The following POU2F3 variants were observed in gnomAD, a reference collection of about 807,000 sequenced individuals.
The protein encoded by POU2F3 is POU class 2 homeobox 3, also known as POU domain, class 2, transcription factor 3.
POU2F3 carries 23 observed loss-of-function variants against 59.2 expected under a neutral mutation model. The observed-to-expected ratio is 0.39, with a 90% CI of 0.28 to 0.55. The LOEUF (loss-of-function observed/expected upper bound fraction) is 0.55, where lower values mean the gene tolerates loss of function less well. Among genes scored for constraint, POU2F3 ranks in the 20% least tolerant of loss-of-function variants. POU2F3 has a pLI of 0.66. For synonymous variants in POU2F3, 190 were observed against 214.6 expected, an observed-to-expected ratio of 0.89 and a Z score of 1.00; for missense variants, 473 against 544.5, an observed-to-expected ratio of 0.87 and a Z score of 1.31.
chr11:120,240,477 C>T, intron 1 of POU2F3, 106 bp downstream of exon 1: 1 of 1,256,676 alleles, frequency 8.0e-7, no homozygotes, highest in Non-Finnish European at 1.0e-6. Context: ...TTCCCAGCGG[C>T]CAGGAGAGGG....
At chr11:120,236,639 TCTC>T (rs1938504782), upstream of POU2F3, 7 of 1,464,304 alleles carry the variant, frequency 4.8e-6, no homozygotes, top group Non-Finnish European at 6.5e-6. Context: ...TTCCTCTCTA[TCTC>T]ACTCCAGCCC....
Position 120,305,701 on chromosome 11 carries a change from A to G in POU2F3, c.685A>G (p.Ile229Val). The G allele has an allele frequency of 1.9e-6, 3 of 1,614,022 alleles. No homozygotes were observed. Among genetic ancestry groups the G allele is most frequent in the Middle Eastern group, 1.7e-4 (1 of 5,926 alleles). Residue 229 changes from isoleucine to valine, a missense_variant, in exon 8 of 13, where the codon ATC (isoleucine) becomes GTC (valine). Transcript: ENST00000543440. ...TGGCAACGACTTCAGCCAGACCACC[A>G]TCTCACGATTTGAGGCCCTCAACCT... ...LYGNDFSQTTISRFEALNLSF... is the reference protein window; with the variant it reads ...LYGNDFSQTTVSRFEALNLSF...
chr11:120,312,407 GCC>G (rs1941673755), intron 10 of POU2F3, among the ~76,000 whole-genome samples: 1 of 152,144 alleles, frequency 6.6e-6, no homozygotes, highest in South Asian at 2.1e-4. Flanking sequence ...ACAGGCATGA[GCC>G]ACCGCACCCA....
chr11:120,305,144 G>A lies in POU2F3; in HGVS notation c.559G>A (p.Asp187Asn). 1 of 1,613,820 alleles carries A rather than the reference G, an allele frequency of 6.2e-7. No homozygotes were observed. The highest frequency in any genetic ancestry group is 2.2e-5 in the East Asian group (1 of 44,838). ...CTCTGGAGGGGCCGATGAGCCCAGT[G>A]ACCTCGAGGAGCTGGAGAAGTTTGC... ...PSSGGADEPSDLEELEKFAKT... is the reference protein window; with the variant it reads ...PSSGGADEPSNLEELEKFAKT... The change falls in exon 7 of 13, where the codon GAC becomes AAC. Residue 187 changes from aspartate (D) to asparagine (N), a missense_variant. Physicochemically the swap from Asp to Asn is conservative, Grantham distance 23. Transcript: ENST00000543440.
chr11:120,306,043 C>G (rs146318568), intron 8 of POU2F3, among the ~76,000 whole-genome samples: 5 of 152,188 alleles, frequency 3.3e-5, no homozygotes, highest in African/African-American at 1.2e-4. Flanking sequence ...ATTCCTACCC[C>G]ATCCCACCCA....
In POU2F3 at chr11:120,318,852, G is replaced by A. The variant is rs1181495087; in HGVS notation, c.*460G>A. On this transcript the variant is annotated 3_prime_UTR_variant, in exon 13 of 13. Transcript: ENST00000543440. ...AACCCCTGAACTGATCCCAAAATCTGTGAAAAGATTTGAATCTGATATCTC... is the reference window on the plus strand; with the variant it reads ...AACCCCTGAACTGATCCCAAAATCTATGAAAAGATTTGAATCTGATATCTC... 1 of 155,024 alleles carries A rather than the reference G, an allele frequency of 6.5e-6. No homozygotes were observed. The highest frequency in any genetic ancestry group is 1.4e-5 in the Non-Finnish European group (1 of 70,196). The allele number at this position is 155,024 out of a possible 1,614,324, so 9.6% of individuals were successfully genotyped here. A position where few individuals can be genotyped will look rare whatever the true frequency, so the allele number is the denominator to read the frequency against.
In POU2F3 at chr11:120,264,678, A is replaced by C. The variant is rs1591389889; in HGVS notation, c.98-4532A>C. On this transcript the variant is annotated intron_variant, in intron 2 of 12. Transcript: ENST00000543440. The stretch of plus-strand genomic sequence containing the variant: ...CACTGTATTCCTGGGAAAGGAATGA[A>C]ACAAGAATCATGACCTTGTTTTACC... Among the ~76,000 whole-genome samples, 3 of 152,186 alleles carry C rather than the reference A, an allele frequency of 2.0e-5. No individual in the cohort carries two copies. The South Asian group carries it at 6.2e-4, about 31-fold the overall frequency.
intron 2 of POU2F3, among the ~76,000 whole-genome samples, chr11:120,263,125 G>A (rs1939675125): frequency 6.6e-6 from 1 of 152,066 alleles, no homozygotes; most frequent in Non-Finnish European, 1.5e-5. Flanking sequence ...CTGAGTAGCT[G>A]AGATTACAGG....
At chr11:120,244,271 G>C (rs1279867260) in intron 1 of POU2F3, among the ~76,000 whole-genome samples, 1 of 152,132 alleles carries the variant, frequency 6.6e-6, no homozygotes, top group East Asian at 1.9e-4. Flanking sequence ...CCTTATAATG[G>C]GGCAAGGGGT....
chr11:120,290,965 C>T (rs536567090), intron 3 of POU2F3, among the ~76,000 whole-genome samples: 2 of 152,236 alleles, frequency 1.3e-5, no homozygotes, highest in African/African-American at 4.8e-5. Flanking sequence ...CTCTCTTTAC[C>T]TCTTCTCCTC....
rs532752759 is a variant in POU2F3 at position 120,240,265 on chromosome 11, C to T, written c.-79C>T. ...CGGCCGGGAACTGGAGGAAGGAGACCCTGGCTTCGCAGGGGCCCCGGCTGG... is the reference window on the plus strand; with the variant it reads ...CGGCCGGGAACTGGAGGAAGGAGACTCTGGCTTCGCAGGGGCCCCGGCTGG... On this transcript the variant is annotated 5_prime_UTR_variant, in exon 1 of 13. Transcript: ENST00000543440. 70 of 1,268,174 alleles carry T rather than the reference C, an allele frequency of 5.5e-5. 2 individuals carry two copies. In the East Asian group the frequency reaches 2.1e-3, roughly 38 times the overall value. 78.6% of individuals were successfully genotyped at this position (1,268,174 alleles called of 1,614,324 possible). A position where few individuals can be genotyped will look rare whatever the true frequency, so the allele number is the denominator to read the frequency against.
At chr11:120,266,621 C>A (rs151205031) in intron 2 of POU2F3, among the ~76,000 whole-genome samples, 1 of 152,112 alleles carries the variant, frequency 6.6e-6, no homozygotes, top group African/African-American at 2.4e-5. Flanking sequence ...GTCTTTCCAT[C>A]GGAAATGATC....
At position 120,246,510 on chromosome 11, in the gene POU2F3, G is replaced by A; in HGVS notation, c.90G>A (p.Val30=). ...STDARSTLSQ[V]EPGNDRNGLD... is the part of the protein sequence containing the mutation. ...ATGCTCGCAGCACTCTCAGCCAGGT[G>A]GAGCCAGGTAAGGGTCTTCTCTTCT... The change falls in exon 2 of 13, where the codon GTG becomes GTA. Residue 30 remains valine (V), a synonymous_variant. Coordinates refer to ENST00000543440, the MANE Select transcript of POU2F3 (RefSeq NM_014352.4). 1 of 1,613,834 alleles carries A rather than the reference G, an allele frequency of 6.2e-7. No individual in the cohort carries two copies. Among genetic ancestry groups the A allele is most frequent in the South Asian group, 1.1e-5 (1 of 91,036 alleles).
chr11:120,307,799 G>C (rs993704183), intron 9 of POU2F3, among the ~76,000 whole-genome samples, 184 bp downstream of exon 9: 1 of 152,074 alleles, frequency 6.6e-6, no homozygotes, highest in African/African-American at 2.4e-5. Flanking sequence ...CTCCATCTCA[G>C]GTTCCAGGAA....
At chr11:120,255,086 C>T (rs1021181125) in intron 2 of POU2F3, 3 of 152,338 alleles carry the variant, frequency 2.0e-5, no homozygotes, top group Non-Finnish European at 4.4e-5. Flanking sequence ...GTCTCCTTTC[C>T]TGCCTGCCAC....
chr11:120,301,173 T>A (rs1262656243), intron 5 of POU2F3: 3 of 435,144 alleles, frequency 6.9e-6, no homozygotes, highest in Non-Finnish European at 1.4e-5. Context: ...AGTCACTTAC[T>A]AACTGTGTGT....
intron 2 of POU2F3, among the ~76,000 whole-genome samples, chr11:120,250,920 T>G (rs1194698715): frequency 6.6e-6 from 1 of 151,190 alleles, no homozygotes. Flanking sequence ...GAGGTTGCAG[T>G]GAGCCGAGAT....
intron 3 of POU2F3, among the ~76,000 whole-genome samples, chr11:120,272,379 A>G (rs1046375224): frequency 6.6e-6 from 1 of 152,096 alleles, no homozygotes; most frequent in East Asian, 1.9e-4. Context: ...TCCACACACC[A>G]TCCCTGGGGA....
At chr11:120,261,180 G>A (rs1939586299) in intron 2 of POU2F3, 1 of 151,638 alleles carries the variant, frequency 6.6e-6, no homozygotes, top group Non-Finnish European at 1.5e-5. Context: ...GTGTGTGTGT[G>A]TGTGTGTGTG....
Sources: allele counts gnomAD v4.1 joint callset (sites outside exome capture counted in the v4.1 genomes callset), GRCh38; gene constraint gnomAD v4.1.1; transcripts MANE v1.5; gene names NCBI Gene and HGNC (gene_info 2026-07-23, HGNC 2026-07-21).